Variants in ADA2 observed in about 807,000 individuals in gnomAD.
The protein encoded by ADA2 is adenosine deaminase CECR1.
A neutral mutation model predicts 44.2 loss-of-function variants in ADA2; 29 were observed. The observed-to-expected ratio is 0.66, with a 90% CI of 0.49 to 0.89. The LOEUF (loss-of-function observed/expected upper bound fraction) is 0.89. ADA2 is among the 40% of genes least tolerant of loss of function. ADA2 has a pLI of 0.00. For synonymous variants in ADA2, 215 were observed against 234.9 expected, an observed-to-expected ratio of 0.92 and a Z score of 0.77; for missense variants, 637 against 644.8, an observed-to-expected ratio of 0.99 and a Z score of 0.13.
upstream of ADA2, among the ~76,000 whole-genome samples, chr22:17,220,322 G>A (rs2062514131): frequency 6.6e-6 from 1 of 152,106 alleles, no homozygotes; most frequent in Non-Finnish European, 1.5e-5. Context: ...GAGCAGACAA[G>A]GCTCCTGTAC....
intron 4 of ADA2, among the ~76,000 whole-genome samples, chr22:17,202,773 C>CTTTCTTTT (rs534249476): frequency 3.0e-5 from 4 of 132,640 alleles, no homozygotes; most frequent in African/African-American, 8.1e-5. Flanking sequence ...TCCTTTCTTT[C>CTTTCTTTT]TTTTTTTTTT....
intron 7 of ADA2, 25 bp from the exon 8 acceptor site, chr22:17,182,786 A>G: frequency 6.5e-7 from 1 of 1,546,280 alleles, no homozygotes; most frequent in Non-Finnish European, 8.9e-7. Flanking sequence ...ATGGTCTTCC[A>G]TGGGGGATGG....
At chr22:17,209,891 T>A in intron 1 of ADA2, 168 bp from the exon 2 acceptor site, 1 of 279,388 alleles carries the variant, frequency 3.6e-6, no homozygotes, top group Non-Finnish European at 6.6e-6. Flanking sequence ...GTTTCCCAAT[T>A]TTTTTTTTTT....
At chr22:17,187,399 C>T (rs148954688) in intron 7 of ADA2, among the ~76,000 whole-genome samples, 1,827 of 152,100 alleles carry the variant, frequency 0.012, 16 homozygotes, top group Admixed American at 0.024. Context: ...AGGCAATCCT[C>T]CCACCTCAGC....
chr22:17,183,078 TTTGTTG>T lies in ADA2; in HGVS notation c.1082-323_1082-318del, dbSNP rs905305159. On this transcript the variant is annotated intron_variant, in intron 7 of 9. Coordinates refer to ENST00000399837, the MANE Select transcript of ADA2 (RefSeq NM_001282225.2). ...CACAGTAAGTAGCAAAACCGAGTTTTTTGTTGTTGTTGTTGTTGTTTTTTGAGACAC... is the reference window on the plus strand; with the variant it reads ...CACAGTAAGTAGCAAAACCGAGTTTTTTGTTGTTGTTGTTTTTTGAGACAC... Among the ~76,000 whole-genome samples the T allele has an allele frequency of 7.9e-5, 12 of 152,206 alleles. No individual in the cohort carries two copies. In the South Asian group the frequency reaches 2.5e-3, roughly 32 times the overall value.
rs539216475 is a variant in ADA2 at position 17,213,775 on chromosome 22, C to T, written c.-46-4052G>A. ...CATCCAGGCCAGGCTTGGTGACTCA[C>T]GCCTGTAATCCCAGCACTTCAGGAG... On this transcript the variant is annotated intron_variant, in intron 1 of 9. Coordinates refer to ENST00000399837, the MANE Select transcript of ADA2 (RefSeq NM_001282225.2). The T allele has an allele frequency of 2.6e-4, 64 of 247,198 alleles. 1 individual carries two copies. The Admixed American group carries it at 3.1e-3, about 12-fold the overall frequency. 15.3% of individuals were successfully genotyped at this position (247,198 alleles called of 1,614,324 possible).
chr22:17,182,899 C>T (rs2061990117), intron 7 of ADA2, 138 bp from the exon 8 acceptor site: 1 of 766,182 alleles, frequency 1.3e-6, no homozygotes, highest in Admixed American at 2.7e-5. Context: ...GAGAAATTAA[C>T]ATTAACACAA....
chr22:17,211,859 C>T (rs1289362260), intron 1 of ADA2, among the ~76,000 whole-genome samples: 1 of 151,664 alleles, frequency 6.6e-6, no homozygotes, highest in South Asian at 2.1e-4. Context: ...ATCCGGGAGG[C>T]GGAGGTTGCA....
Position 17,196,103 on chromosome 22 carries a change from T to C in ADA2, c.754-4293A>G, listed in dbSNP as rs559329288. ...AGCTCACACCTGTAATCCCAGCACT[T>C]TGGGGGGCCAAGGCGAGTGGATCAC... is the stretch of plus-strand genomic sequence containing the variant. On this transcript the variant is annotated intron_variant, in intron 4 of 9. Coordinates refer to ENST00000399837, the MANE Select transcript of ADA2 (RefSeq NM_001282225.2). Among the ~76,000 whole-genome samples the C allele has an allele frequency of 4.6e-5, 7 of 151,948 alleles. No homozygotes were observed. The South Asian group carries it at 1.5e-3, about 32-fold the overall frequency.
At chr22:17,184,701 G>A (rs556940028) in intron 7 of ADA2, among the ~76,000 whole-genome samples, 6 of 151,494 alleles carry the variant, frequency 4.0e-5, no homozygotes, top group Admixed American at 1.3e-4. Context: ...GCTGAGGCAG[G>A]AGGATTGCTT....
intron 6 of ADA2, among the ~76,000 whole-genome samples, chr22:17,188,985 A>G (rs900225221): frequency 3.4e-5 from 5 of 147,332 alleles, no homozygotes; most frequent in African/African-American, 1.2e-4. Flanking sequence ...CTGGGATTAC[A>G]GGAGTGAGCC....
rs552408558 is a variant in ADA2 at position 17,207,397 on chromosome 22, G to A, written c.323-107C>T. The A allele has an allele frequency of 1.5e-5, 12 of 788,594 alleles. No individual in the cohort carries two copies. In the South Asian group the frequency reaches 1.8e-4, roughly 12 times the overall value. 48.8% of individuals were successfully genotyped at this position (788,594 alleles called of 1,614,324 possible). On this transcript the variant is annotated intron_variant, in intron 2 of 9. Coordinates refer to ENST00000399837, the MANE Select transcript of ADA2 (RefSeq NM_001282225.2). ...TGAAGTCCCATCCCAGGACTCTGGGGCTGTGGGGACAAAGGGGTGAAGTCC... is the reference window on the plus strand; with the variant it reads ...TGAAGTCCCATCCCAGGACTCTGGGACTGTGGGGACAAAGGGGTGAAGTCC...
At chr22:17,214,368 A>G (rs1366093659) in intron 1 of ADA2, among the ~76,000 whole-genome samples, 1 of 152,238 alleles carries the variant, frequency 6.6e-6, no homozygotes, top group Non-Finnish European at 1.5e-5. Flanking sequence ...TCTTGGCAAC[A>G]TATAGAAGAT....
intron 4 of ADA2, among the ~76,000 whole-genome samples, chr22:17,203,069 C>T (rs113792836): frequency 0.011 from 1,598 of 152,158 alleles, 32 homozygotes; most frequent in African/African-American, 0.036. Flanking sequence ...CCACCATGCC[C>T]GGCCGTCTAT....
Position 17,191,750 on chromosome 22 carries a change from C to A in ADA2, c.814G>T (p.Val272Leu). 6.2e-7 allele frequency: 1 copy of A among 1,613,736 alleles called. No homozygotes were observed. Among genetic ancestry groups the A allele is most frequent in the Non-Finnish European group, 8.5e-7 (1 of 1,179,664 alleles). The change falls in exon 5 of 10, where the codon GTA becomes TTA. Residue 272 changes from valine (V) to leucine (L), a missense_variant. Coordinates refer to ENST00000399837, the MANE Select transcript of ADA2 (RefSeq NM_001282225.2). ...TGAGTTTCCACAAACTTCTGAGCTA[C>A]TTCCTGGTAAGTCTTCACTGACCAC... Reference protein sequence around the residue: ...EEWSVKTYQEVAQKFVETHPE... With the variant: ...EEWSVKTYQELAQKFVETHPE...
intron 7 of ADA2, among the ~76,000 whole-genome samples, chr22:17,187,673 A>G (rs1228695920): frequency 6.6e-6 from 1 of 151,172 alleles, no homozygotes; most frequent in African/African-American, 2.4e-5. Context: ...ATTAAAAAAA[A>G]AAAAAAAAAG....
intron 7 of ADA2, among the ~76,000 whole-genome samples, chr22:17,184,771 A>C (rs2401073): frequency 0.88 from 130,826 of 149,346 alleles, 57,420 homozygotes; most frequent in East Asian, 0.92. Context: ...TCTACAAAAA[A>C]TACAAAAATT....
chr22:17,183,456 C>A (rs9617964), intron 7 of ADA2, among the ~76,000 whole-genome samples: 1,308 of 77,342 alleles, frequency 0.017, 60 homozygotes, highest in Middle Eastern at 0.039. Flanking sequence ...TTGTGGCACT[C>A]TTTTTTTTTT....
upstream of ADA2, among the ~76,000 whole-genome samples, chr22:17,221,159 G>C (rs2062520295): frequency 6.6e-6 from 1 of 151,314 alleles, no homozygotes; most frequent in Admixed American, 6.6e-5. Flanking sequence ...AAAAAAAAGA[G>C]TTTAACACTA....
Sources: gnomAD v4.1 joint callset for allele counts (sites outside exome capture counted in the v4.1 genomes callset) on GRCh38, gnomAD v4.1.1 for gene constraint, MANE v1.5 for transcripts, NCBI Gene and HGNC (gene_info 2026-07-23, HGNC 2026-07-21) for gene names.